LGSN: variants seen among roughly 807,000 people sequenced by gnomAD.
LGSN encodes lengsin.
LGSN carries 21 observed loss-of-function variants against 19.5 expected under a neutral mutation model. The observed-to-expected ratio is 1.07, with a 90% confidence interval of 0.76 to 1.55. The LOEUF is 1.55. LGSN is among the 40% of genes most tolerant of loss of function. LGSN has a pLI of 0.00. For missense variants in LGSN, 673 were observed against 608.5 expected (o/e 1.11, Z -1.12); for synonymous variants, 257 against 215.6 (o/e 1.19, Z -1.68).
chr6:63,325,495 A>T, the LGSN span, among the ~76,000 whole-genome samples: 1 of 152,218 alleles, frequency 6.6e-6, no homozygotes. Flanking sequence ...TCTAGAGGAA[A>T]AGGAGAAATT....
the LGSN span, among the ~76,000 whole-genome samples, chr6:63,524,777 T>C: frequency 6.6e-6 from 1 of 152,200 alleles, no homozygotes; most frequent in Non-Finnish European, 1.5e-5. Flanking sequence ...ATTGTATATA[T>C]TATCTCATTC....
the LGSN span, among the ~76,000 whole-genome samples, chr6:63,478,486 G>GA: frequency 7.4e-4 from 111 of 150,180 alleles, no homozygotes; most frequent in South Asian, 4.8e-3. Flanking sequence ...AGGACGTTCT[G>GA]AAAAAAAAAA....
chr6:63,285,791 A>T, intron 2 of LGSN, 38 bp from the exon 3 acceptor site: 1 of 1,572,018 alleles, frequency 6.4e-7, no homozygotes, highest in Non-Finnish European at 8.7e-7. Context: ...TCACGAGATC[A>T]TGATGGACTG....
the LGSN span, among the ~76,000 whole-genome samples, chr6:63,417,364 C>T: frequency 6.6e-6 from 1 of 152,088 alleles, no homozygotes; most frequent in Non-Finnish European, 1.5e-5. Context: ...TGAGTTTCAG[C>T]TTTTCAGGGC....
the LGSN span, among the ~76,000 whole-genome samples, chr6:63,511,387 G>A: frequency 2.6e-5 from 4 of 151,902 alleles, no homozygotes; most frequent in Non-Finnish European, 5.9e-5. Context: ...CGGAGTAGCT[G>A]GGATTACAGG....
At chr6:63,442,771 A>C in the LGSN span, among the ~76,000 whole-genome samples, 1 of 152,056 alleles carries the variant, frequency 6.6e-6, no homozygotes, top group South Asian at 2.1e-4. Context: ...CTAGATACAG[A>C]GTGCTGATTG....
chr6:63,517,183 A>G, the LGSN span, among the ~76,000 whole-genome samples: 5 of 152,176 alleles, frequency 3.3e-5, no homozygotes, highest in East Asian at 9.6e-4. Context: ...ATTATGGTCT[A>G]ACTATTCAGA....
chr6:63,397,459 A>G, the LGSN span, among the ~76,000 whole-genome samples: 1 of 152,106 alleles, frequency 6.6e-6, no homozygotes, highest in Non-Finnish European at 1.5e-5. Flanking sequence ...GAGAAAAAAA[A>G]AAAAAAACAC....
intron 3 of LGSN, among the ~76,000 whole-genome samples, chr6:63,284,448 A>T (rs542302184): frequency 6.6e-6 from 1 of 152,346 alleles, no homozygotes; most frequent in African/African-American, 2.4e-5. Flanking sequence ...TAGCAAGTAT[A>T]AGCAGCATAC....
At chr6:63,307,453 G>C (rs1293774265) in intron 1 of LGSN, among the ~76,000 whole-genome samples, 1 of 152,170 alleles carries the variant, frequency 6.6e-6, no homozygotes, top group Non-Finnish European at 1.5e-5. Context: ...GGGCCTGTAG[G>C]GCCAGGTACT....
At chr6:63,356,656 G>A in the LGSN span, among the ~76,000 whole-genome samples, 4 of 152,166 alleles carry the variant, frequency 2.6e-5, no homozygotes, top group African/African-American at 9.7e-5. Context: ...CATTTGGATA[G>A]AGAAGGTAAG....
chr6:63,418,546 C>A, the LGSN span, among the ~76,000 whole-genome samples: 143 of 152,210 alleles, frequency 9.4e-4, 2 homozygotes, highest in African/African-American at 3.2e-3. Flanking sequence ...GGCGACAGAG[C>A]GAGACTCCGT....
the LGSN span, among the ~76,000 whole-genome samples, chr6:63,547,726 T>C: frequency 2.0e-5 from 3 of 147,312 alleles, no homozygotes; most frequent in Admixed American, 2.0e-4. Context: ...TTAGCCAGGA[T>C]GGTCTCGATC....
At chr6:63,499,926 C>G in the LGSN span, among the ~76,000 whole-genome samples, 71 of 151,308 alleles carry the variant, frequency 4.7e-4, no homozygotes, top group African/African-American at 1.5e-3. Context: ...AATTCCCCAG[C>G]TTTCTGAGCT....
At chr6:63,476,525 G>A in the LGSN span, among the ~76,000 whole-genome samples, 3 of 152,328 alleles carry the variant, frequency 2.0e-5, no homozygotes, top group African/African-American at 7.2e-5. Flanking sequence ...CAGCTGGACT[G>A]GATGTCAAAG....
chr6:63,513,942 G>GA, the LGSN span, among the ~76,000 whole-genome samples: 1 of 146,036 alleles, frequency 6.8e-6, no homozygotes, highest in Admixed American at 6.9e-5. Context: ...AAAAACACTG[G>GA]AAAACAGACA....
chr6:63,363,280 A>G, the LGSN span, among the ~76,000 whole-genome samples: 2 of 152,266 alleles, frequency 1.3e-5, no homozygotes, highest in Admixed American at 1.3e-4. Flanking sequence ...TCTGAAAATC[A>G]GAGTGCCTCT....
chr6:63,538,173 C>T, the LGSN span, among the ~76,000 whole-genome samples: 2 of 152,074 alleles, frequency 1.3e-5, no homozygotes, highest in Non-Finnish European at 2.9e-5. Flanking sequence ...GGAATATGAG[C>T]CTTGGTGTTT....
chr6:63,471,664 C>CA, the LGSN span, among the ~76,000 whole-genome samples: 21,903 of 123,298 alleles, frequency 0.18, 2,236 homozygotes, highest in African/African-American at 0.33. Context: ...AAGACTCTGT[C>CA]AAAAAAAAAA....
Sources: gnomAD v4.1 joint callset for allele counts (sites outside exome capture counted in the v4.1 genomes callset) on GRCh38, gnomAD v4.1.1 for gene constraint, MANE v1.5 for transcripts, NCBI Gene and HGNC (gene_info 2026-07-23, HGNC 2026-07-21) for gene names.